The following RFFL variants were observed in gnomAD, a reference collection of about 807,000 sequenced individuals.
RFFL encodes ring finger and FYVE like domain containing E3 ubiquitin protein ligase.
RFFL carries 16 observed loss-of-function variants against 40.4 expected under a neutral mutation model. The ratio of observed to expected loss-of-function variants is 0.40; its 90% CI spans 0.27 to 0.60. The LOEUF is 0.60. Among genes scored for constraint, RFFL ranks in the 20% least tolerant of loss-of-function variants. RFFL has a pLI of 0.47. For missense variants in RFFL, 367 were observed against 451.7 expected, an observed-to-expected ratio of 0.81 and a Z score of 1.70; for synonymous variants, 154 against 167.9, an observed-to-expected ratio of 0.92 and a Z score of 0.64.
chr17:35,029,964 A>G (rs998087901), intron 1 of RFFL, among the ~76,000 whole-genome samples: 2 of 150,338 alleles, frequency 1.3e-5, no homozygotes, highest in African/African-American at 5.0e-5. Flanking sequence ...TCCTTGCAAT[A>G]GTTTACTGAG....
At chr17:35,021,257 C>T (rs1225621137) in intron 3 of RFFL, 114 bp downstream of exon 3, 2 of 1,083,632 alleles carry the variant, frequency 1.8e-6, no homozygotes, top group Non-Finnish European at 2.6e-6. Flanking sequence ...AAAGGCTTCA[C>T]ATAATCAAGA....
chr17:35,051,735 C>G (rs1597831741), intron 1 of RFFL, among the ~76,000 whole-genome samples: 1 of 152,174 alleles, frequency 6.6e-6, no homozygotes, highest in Non-Finnish European at 1.5e-5. Context: ...TAAACGCTGG[C>G]CCCTTTTCAA....
At chr17:35,048,656 C>G (rs2091214472) in intron 1 of RFFL, among the ~76,000 whole-genome samples, 1 of 152,106 alleles carries the variant, frequency 6.6e-6, no homozygotes, top group Non-Finnish European at 1.5e-5. Context: ...CTCCCCACAA[C>G]CCTGCAGTCC....
intron 1 of RFFL, among the ~76,000 whole-genome samples, chr17:35,040,608 A>AC (rs2091157669): frequency 6.6e-6 from 1 of 151,598 alleles, no homozygotes; most frequent in Non-Finnish European, 1.5e-5. Flanking sequence ...CTCTCAAAAA[A>AC]AAAAAAAGTA....
chr17:35,029,744 G>C lies in RFFL; in HGVS notation c.-8-3183C>G, dbSNP rs1414261592. Among the ~76,000 whole-genome samples, 6 of 151,440 alleles carry C rather than the reference G, an allele frequency of 4.0e-5. 1 individual carries two copies. Among genetic ancestry groups the C allele is most frequent in the African/African-American group, 1.5e-4 (6 of 41,036 alleles). On this transcript the variant is annotated intron_variant, in intron 1 of 6. Transcript: ENST00000394597. ...TTAGGGTACATGTGCACAGCGTGCA[G>C]GTTAGTTACATATGTATATATGTGC... is the stretch of plus-strand genomic sequence containing the variant.
intron 1 of RFFL, among the ~76,000 whole-genome samples, chr17:35,055,893 C>T (rs2091258463): frequency 6.6e-6 from 1 of 151,936 alleles, no homozygotes; most frequent in Non-Finnish European, 1.5e-5. Flanking sequence ...CAGCTGATGC[C>T]AACCAGTTTG....
chr17:35,041,596 C>A (rs1037635481), intron 1 of RFFL, among the ~76,000 whole-genome samples: 7 of 141,012 alleles, frequency 5.0e-5, no homozygotes, highest in African/African-American at 2.0e-4. Context: ...GGTAGTGTGA[C>A]CTTTCGGTTC....
chr17:35,056,920 T>C (rs2091264887), intron 1 of RFFL, among the ~76,000 whole-genome samples: 1 of 151,674 alleles, frequency 6.6e-6, no homozygotes, highest in South Asian at 2.1e-4. Context: ...TTTTTTCTTT[T>C]TCTTTTTTTT....
At chr17:35,051,811 T>C (rs894514258) in intron 1 of RFFL, among the ~76,000 whole-genome samples, 32 of 152,234 alleles carry the variant, frequency 2.1e-4, no homozygotes, top group Non-Finnish European at 3.2e-4. Flanking sequence ...TCGTGAACAC[T>C]GCCTCAAATC....
rs767032203 is a variant in RFFL at position 35,021,483 on chromosome 17, G to T, written c.479C>A (p.Ala160Asp). ...TLSPDFPEQQ[A>D]FLTQPHSSMV... is the part of the protein sequence containing the mutation. The stretch of plus-strand genomic sequence containing the variant: ...GCTGGAGTGAGGCTGGGTCAGGAAG[G>T]CCTGCTGCTCAGGAAAGTCTGGGGA... The change falls in exon 3 of 7, where the codon GCC becomes GAC. Residue 160 changes from alanine to aspartate, a missense_variant. Coordinates refer to ENST00000394597, the MANE Select transcript of RFFL (RefSeq NM_001017368.2). The T allele has an allele frequency of 2.5e-6, 4 of 1,585,968 alleles. No homozygotes were observed. The African/African-American group carries it at 5.4e-5, about 21-fold the overall frequency.
intron 5 of RFFL, among the ~76,000 whole-genome samples, chr17:35,015,428 T>C (rs1013993339): frequency 6.6e-6 from 1 of 152,260 alleles, no homozygotes; most frequent in Non-Finnish European, 1.5e-5. Context: ...CTGGATAAAG[T>C]TCCCACGTGG....
At chr17:35,051,463 A>G (rs1339594484) in intron 1 of RFFL, among the ~76,000 whole-genome samples, 1 of 152,176 alleles carries the variant, frequency 6.6e-6, no homozygotes, top group South Asian at 2.1e-4. Context: ...TCTGCTGCCA[A>G]CTGGTTCACT....
chr17:35,086,482 T>TAAAA (rs11298971), intron 1 of RFFL, among the ~76,000 whole-genome samples: 1 of 144,006 alleles, frequency 6.9e-6, no homozygotes, highest in African/African-American at 2.6e-5. Context: ...CCATCTCAAT[T>TAAAA]AAAAAAAAAA....
At chr17:35,052,135 G>A (rs899775317) in intron 1 of RFFL, among the ~76,000 whole-genome samples, 1 of 152,118 alleles carries the variant, frequency 6.6e-6, no homozygotes, top group Non-Finnish European at 1.5e-5. Context: ...AAGTTTCTGT[G>A]GTTTCCTGCA....
At chr17:35,041,037 A>C (rs1680530) in intron 1 of RFFL, among the ~76,000 whole-genome samples, 98,556 of 151,194 alleles carry the variant, frequency 0.65, 33,364 homozygotes, top group African/African-American at 0.84. Flanking sequence ...AGCTACCACG[A>C]CCAGCCTTTT....
chr17:35,062,962 G>A (rs1309051019), intron 1 of RFFL, among the ~76,000 whole-genome samples: 1 of 152,134 alleles, frequency 6.6e-6, no homozygotes, highest in Admixed American at 6.5e-5. Flanking sequence ...TTAGTTATTA[G>A]GAAGGCAACC....
intron 1 of RFFL, among the ~76,000 whole-genome samples, chr17:35,075,832 C>A (rs968975327): frequency 3.3e-5 from 5 of 152,010 alleles, no homozygotes; most frequent in Admixed American, 3.3e-4. Context: ...ATTGCACACC[C>A]CTAAATTTTA....
At chr17:35,032,264 A>G (rs551398893) in intron 1 of RFFL, among the ~76,000 whole-genome samples, 1 of 152,114 alleles carries the variant, frequency 6.6e-6, no homozygotes, top group South Asian at 2.1e-4. Context: ...CGATTAGGGC[A>G]TTTTGTTGTC....
Position 35,010,255 on chromosome 17 carries a change from G to C in RFFL, c.*1713C>G, listed in dbSNP as rs1477601636. 1 of 152,198 alleles carries C rather than the reference G, an allele frequency of 6.6e-6. No homozygotes were observed. The highest frequency in any genetic ancestry group is 2.4e-5 in the African/African-American group (1 of 41,434). 9.4% of individuals were successfully genotyped at this position (152,198 alleles called of 1,614,324 possible). A position where few individuals can be genotyped will look rare whatever the true frequency, so the allele number is the denominator to read the frequency against. On this transcript the variant is annotated 3_prime_UTR_variant, in exon 7 of 7. Transcript: ENST00000394597. ...GCTGCATGGGAGGGGTAAGGGGTGG[G>C]AGGTGTCTGCCAAGGCGTTTAGGGT...
Sources: gnomAD v4.1 joint callset for allele counts (sites outside exome capture counted in the v4.1 genomes callset) on GRCh38, gnomAD v4.1.1 for gene constraint, MANE v1.5 for transcripts, NCBI Gene and HGNC (gene_info 2026-07-23, HGNC 2026-07-21) for gene names.